The following ZC3H12D variants were observed in gnomAD, a reference collection of about 807,000 sequenced individuals.
The protein encoded by ZC3H12D is probable ribonuclease ZC3H12D.
ZC3H12D carries 11 observed loss-of-function variants against 24.2 expected under a neutral mutation model. That is an observed-to-expected ratio of 0.46 (90% CI 0.29 to 0.75). ZC3H12D has a LOEUF of 0.75. Among genes scored for constraint, ZC3H12D ranks in the 30% least tolerant of loss-of-function variants. The pLI is 0.11. For synonymous variants in ZC3H12D, 333 were observed against 341.8 expected, an observed-to-expected ratio of 0.97 and a Z score of 0.28; for missense variants, 740 against 767.7, an observed-to-expected ratio of 0.96 and a Z score of 0.43.
intron 3 of ZC3H12D, among the ~76,000 whole-genome samples, chr6:149,458,474 C>T: frequency 6.6e-6 from 1 of 152,088 alleles, no homozygotes; most frequent in East Asian, 1.9e-4. Context: ...AGACTTGACA[C>T]AAATGGAATC....
chr6:149,458,123 C>T (rs200758949), intron 3 of ZC3H12D, among the ~76,000 whole-genome samples: 1,446 of 45,240 alleles, frequency 0.032, no homozygotes, highest in African/African-American at 0.075. Flanking sequence ...TTTTTTTTTT[C>T]GTTTCTTTTT....
At chr6:149,479,974 C>T (rs1302326667) in intron 1 of ZC3H12D, among the ~76,000 whole-genome samples, 1 of 152,164 alleles carries the variant, frequency 6.6e-6, no homozygotes, top group East Asian at 1.9e-4. Flanking sequence ...TCACTCCTCT[C>T]TTTTCCTTAC....
chr6:149,452,893 C>T lies in ZC3H12D; in HGVS notation c.681-171G>A, dbSNP rs1343430658. Among the ~76,000 whole-genome samples the T allele has an allele frequency of 1.3e-5, 2 of 152,184 alleles. No individual in the cohort carries two copies. Among genetic ancestry groups the T allele is most frequent in the East Asian group, 3.8e-4 (2 of 5,196 alleles). Reference sequence around the variant, plus strand: ...CTTAAAGCAAAACCTTCCCTTCACACTGAACCCCATGCAGAGCACACAGCA... The same window carrying T: ...CTTAAAGCAAAACCTTCCCTTCACATTGAACCCCATGCAGAGCACACAGCA... On this transcript the variant is annotated intron_variant, in intron 4 of 5. Coordinates refer to ENST00000409806, the MANE Select transcript of ZC3H12D (RefSeq NM_207360.3). The surrounding 1 kb of genome is among the most constrained non-coding windows in gnomAD (Gnocchi z 4.0).
At chr6:149,484,137 G>A (rs1776466223) in intron 1 of ZC3H12D, among the ~76,000 whole-genome samples, 2 of 152,186 alleles carry the variant, frequency 1.3e-5, no homozygotes, top group Admixed American at 6.5e-5. Context: ...CTGTTCACGA[G>A]TCAGGGATGG....
intron 1 of ZC3H12D, among the ~76,000 whole-genome samples, chr6:149,474,984 C>T (rs1236650559): frequency 6.6e-6 from 1 of 151,850 alleles, no homozygotes; most frequent in Non-Finnish European, 1.5e-5. Context: ...TTCCTCACCC[C>T]AGTACCTCAG....
intron 1 of ZC3H12D, among the ~76,000 whole-genome samples, chr6:149,479,177 T>C (rs1776386385): frequency 6.6e-6 from 1 of 152,100 alleles, no homozygotes; most frequent in Admixed American, 6.5e-5. Flanking sequence ...CTGGACAATA[T>C]AGTGAGATCC....
At chr6:149,481,453 C>A (rs1776423993) in intron 1 of ZC3H12D, among the ~76,000 whole-genome samples, 1 of 151,218 alleles carries the variant, frequency 6.6e-6, no homozygotes, top group South Asian at 2.2e-4. Context: ...CGGCTCACTG[C>A]AACCTCCACC....
chr6:149,461,048 T>C (rs889401536), intron 3 of ZC3H12D, among the ~76,000 whole-genome samples: 1 of 151,914 alleles, frequency 6.6e-6, no homozygotes, highest in African/African-American at 2.4e-5. Context: ...GATTGAAGAA[T>C]TAAAAATGAA....
chr6:149,453,924 G>A (rs1775939842), intron 4 of ZC3H12D, among the ~76,000 whole-genome samples: 1 of 152,166 alleles, frequency 6.6e-6, no homozygotes, highest in Non-Finnish European at 1.5e-5. Flanking sequence ...AGTTGTATGA[G>A]CTCCTTGAGG....
rs773877075 is a variant in ZC3H12D, at chr6:149,456,911, G to A, written c.446-11C>T. 5 of 1,590,862 alleles carry A rather than the reference G, an allele frequency of 3.1e-6. No individual in the cohort carries two copies. Among genetic ancestry groups the A allele is most frequent in the African/African-American group, 1.3e-5 (1 of 74,710 alleles). On this transcript the variant is annotated splice_polypyrimidine_tract_variant and intron_variant, in intron 3 of 5. Coordinates refer to ENST00000409806, the MANE Select transcript of ZC3H12D (RefSeq NM_207360.3). This position sits in a 1 kb window ranked among gnomAD's most constrained non-coding sequence, Gnocchi z 4.3. ...CCAGCACGTGCTGCTCTGAGGGCGG[G>A]GCGACGGAGACGCGGGTGAGGGCCC...
At chr6:149,465,540 G>A (rs983670628) in intron 2 of ZC3H12D, among the ~76,000 whole-genome samples, 1 of 152,038 alleles carries the variant, frequency 6.6e-6, no homozygotes, top group African/African-American at 2.4e-5. Context: ...GGATCACGAG[G>A]TCAGGAGATC....
intron 1 of ZC3H12D, among the ~76,000 whole-genome samples, chr6:149,483,908 G>A (rs75314961): frequency 1.3e-5 from 2 of 152,270 alleles, no homozygotes; most frequent in East Asian, 1.9e-4. Context: ...ACCACATCAC[G>A]TTTATCTATT....
intron 3 of ZC3H12D, 83 bp downstream of exon 3, chr6:149,461,748 A>C: frequency 7.2e-7 from 1 of 1,394,408 alleles, no homozygotes; most frequent in Admixed American, 2.4e-5. Flanking sequence ...CAAACAACTA[A>C]GTAGATATTT....
rs555316637 is a variant in ZC3H12D, at chr6:149,452,392, G to A, written c.787+224C>T. 6.5e-5 allele frequency: 31 copies of A among 476,936 alleles called. No homozygotes were observed. The highest frequency in any genetic ancestry group is 8.8e-5 in the Non-Finnish European group (24 of 273,812). The allele number at this position is 476,936 out of a possible 1,614,324, so 29.5% of individuals were successfully genotyped here. On this transcript the variant is annotated intron_variant, in intron 5 of 5. Transcript: ENST00000409806. The surrounding 1 kb of genome is among the most constrained non-coding windows in gnomAD (Gnocchi z 4.0). ...TGCTGTGTGCATGACCCCTGCATCC[G>A]ACCCTGGCATGGGATCCTGGCTCCC...
chr6:149,474,413 C>G lies in ZC3H12D; in HGVS notation c.131G>C (p.Gly44Ala). The change falls in exon 2 of 6, where the codon GGC becomes GCC. Residue 44 changes from glycine (G) to alanine (A), a missense_variant. Physicochemically the swap from Gly to Ala is moderately conservative, Grantham distance 60. Transcript: ENST00000409806. ...NDVLQELIRT[G>A]SRPGALEHPA... ...GTGCTCCAGGGCACCCGGGCGGCTG[C>G]CCGTGCGGATAAGCTCCTGCAGCAC... 1 of 1,608,276 alleles carries G rather than the reference C, an allele frequency of 6.2e-7. No homozygotes were observed. The highest frequency in any genetic ancestry group is 1.1e-5 in the South Asian group (1 of 90,790).
chr6:149,471,968 T>C lies in ZC3H12D; in HGVS notation c.305+2271A>G, dbSNP rs567711146. The stretch of plus-strand genomic sequence containing the variant: ...TGTCTGCAATACTACAAAACCTCAG[T>C]GAAAGGGAATTTTCAGAAACCATGT... On this transcript the variant is annotated intron_variant, in intron 2 of 5. Coordinates refer to ENST00000409806, the MANE Select transcript of ZC3H12D (RefSeq NM_207360.3). Among the ~76,000 whole-genome samples, 3 of 152,264 alleles carry C rather than the reference T, an allele frequency of 2.0e-5. No individual in the cohort carries two copies. The South Asian group carries it at 6.2e-4, about 32-fold the overall frequency.
chr6:149,475,379 T>C (rs1776318994), intron 1 of ZC3H12D, among the ~76,000 whole-genome samples: 1 of 152,200 alleles, frequency 6.6e-6, no homozygotes, highest in Admixed American at 6.5e-5. Context: ...CCTGCACAGC[T>C]TTCCCTAATG....
At chr6:149,458,128 CTTTTT>C (rs1189920889) in intron 3 of ZC3H12D, among the ~76,000 whole-genome samples, 2 of 39,756 alleles carry the variant, frequency 5.0e-5, no homozygotes, top group African/African-American at 2.1e-4. Flanking sequence ...TTTTTCGTTT[CTTTTT>C]TTTTTTTTTT....
At chr6:149,465,551 G>A (rs1776144703) in intron 2 of ZC3H12D, among the ~76,000 whole-genome samples, 1 of 151,978 alleles carries the variant, frequency 6.6e-6, no homozygotes, top group South Asian at 2.1e-4. Flanking sequence ...TCAGGAGATC[G>A]AGAGCATCCT....
Sources: gnomAD v4.1 joint callset for allele counts (sites outside exome capture counted in the v4.1 genomes callset) on GRCh38, gnomAD v4.1.1 for gene constraint, Gnocchi (gnomAD v3.1) non-coding constraint, MANE v1.5 for transcripts, NCBI Gene and HGNC (gene_info 2026-07-23, HGNC 2026-07-21) for gene names.